The following CALN1 variants were observed in gnomAD, a reference collection of about 807,000 sequenced individuals.
CALN1 encodes calneuron 1.
CALN1 carries 17 observed loss-of-function variants against 30.6 expected under a neutral mutation model. That is an observed-to-expected ratio of 0.56 (90% CI 0.38 to 0.83). The LOEUF (loss-of-function observed/expected upper bound fraction) is 0.83, where lower values mean the gene tolerates loss of function less well. Among genes scored for constraint, CALN1 ranks in the 40% least tolerant of loss-of-function variants. CALN1 has a pLI of 0.00. For synonymous variants in CALN1, 156 were observed against 131.4 expected (o/e 1.19, Z -1.28); for missense variants, 291 against 354.9 (o/e 0.82, Z 1.45).
At chr7:72,133,486 T>C (rs1585009694) in intron 3 of CALN1, among the ~76,000 whole-genome samples, 1 of 152,218 alleles carries the variant, frequency 6.6e-6, no homozygotes, top group African/African-American at 2.4e-5. Flanking sequence ...TTAGAAAAAC[T>C]GTTGTATGAT....
At chr7:72,408,628 G>C (rs1048604989) in intron 1 of CALN1, among the ~76,000 whole-genome samples, 1 of 149,200 alleles carries the variant, frequency 6.7e-6, no homozygotes, top group Non-Finnish European at 1.5e-5. Context: ...AGGATTGCAT[G>C]GTGGTCATGA....
intron 5 of CALN1, among the ~76,000 whole-genome samples, chr7:71,922,893 T>TATAAG (rs944007776): frequency 1.4e-5 from 2 of 144,562 alleles, no homozygotes; most frequent in African/African-American, 5.1e-5. Context: ...TATATTAATA[T>TATAAG]ATATGTATAT....
intron 2 of CALN1, among the ~76,000 whole-genome samples, chr7:72,398,009 G>A (rs1169216450): frequency 6.6e-6 from 1 of 152,134 alleles, no homozygotes; most frequent in Non-Finnish European, 1.5e-5. Flanking sequence ...CACCACTGAA[G>A]TCCAGAAGAG....
chr7:72,260,546 C>G (rs754193118), intron 3 of CALN1, among the ~76,000 whole-genome samples: 1 of 152,154 alleles, frequency 6.6e-6, no homozygotes, highest in Non-Finnish European at 1.5e-5. Context: ...CAAAATCTGG[C>G]AAGAGGCTTC....
At chr7:72,202,890 T>C (rs1226168345) in intron 3 of CALN1, among the ~76,000 whole-genome samples, 1 of 152,172 alleles carries the variant, frequency 6.6e-6, no homozygotes, top group Non-Finnish European at 1.5e-5. Context: ...CATGCACACA[T>C]GTTTATTGCA....
At chr7:71,879,867 G>A (rs924120237) in intron 5 of CALN1, among the ~76,000 whole-genome samples, 1 of 152,166 alleles carries the variant, frequency 6.6e-6, no homozygotes, top group Non-Finnish European at 1.5e-5. Context: ...GGGAGATTGT[G>A]AGCTAGATTA....
At chr7:72,023,816 A>C (rs771919456) in intron 4 of CALN1, 47 bp from the exon 5 acceptor site, 73 of 1,361,124 alleles carry the variant, frequency 5.4e-5, no homozygotes, top group African/African-American at 1.4e-5. Context: ...GCTGAACTTG[A>C]CCTACCGTAC....
intron 2 of CALN1, among the ~76,000 whole-genome samples, chr7:72,352,837 T>A (rs900165929): frequency 7.2e-5 from 11 of 151,862 alleles, no homozygotes; most frequent in Admixed American, 4.6e-4. Context: ...TAAAACATCA[T>A]AAAATTAATA....
At chr7:71,963,222 G>A (rs965971646) in intron 5 of CALN1, among the ~76,000 whole-genome samples, 1 of 152,098 alleles carries the variant, frequency 6.6e-6, no homozygotes, top group African/African-American at 2.4e-5. Context: ...GAGTGCGGCG[G>A]CGCGATCTCG....
chr7:72,432,400 C>T (rs868857430), intron 1 of CALN1, among the ~76,000 whole-genome samples: 3 of 152,150 alleles, frequency 2.0e-5, no homozygotes, highest in African/African-American at 7.2e-5. Flanking sequence ...CAGACTAATA[C>T]AAGGACCCAT....
At chr7:72,480,797 T>C in the CALN1 span, among the ~76,000 whole-genome samples, 2 of 152,310 alleles carry the variant, frequency 1.3e-5, no homozygotes, top group Non-Finnish European at 2.9e-5. Flanking sequence ...TTCATTTACA[T>C]TGTCAAATTC....
At chr7:72,439,512 G>GA (rs757225222) in intron 1 of CALN1, among the ~76,000 whole-genome samples, 11 of 151,008 alleles carry the variant, frequency 7.3e-5, no homozygotes, top group Non-Finnish European at 1.3e-4. Context: ...TCATGAAGAA[G>GA]AAAAAATATA....
chr7:72,304,273 C>T (rs1025654444), intron 2 of CALN1, among the ~76,000 whole-genome samples: 18 of 152,214 alleles, frequency 1.2e-4, no homozygotes, highest in South Asian at 2.1e-4. Flanking sequence ...GGGAAAGACT[C>T]CACGTTCTTC....
chr7:72,429,182 A>G (rs750199360), intron 1 of CALN1, among the ~76,000 whole-genome samples: 26 of 152,224 alleles, frequency 1.7e-4, no homozygotes, highest in South Asian at 6.2e-4. Flanking sequence ...CTTCAAGAGG[A>G]AAGTCAATCA....
rs141637172 is a variant in CALN1, at chr7:72,291,988, C to T, written c.120-13178G>A. 1.9e-3 allele frequency among the ~76,000 whole-genome samples: 275 copies of T among 146,072 alleles called. 3 individuals carry two copies. The highest frequency in any genetic ancestry group is 6.4e-3 in the African/African-American group (254 of 39,626). On this transcript the variant is annotated intron_variant, in intron 2 of 6. Coordinates refer to ENST00000395275, the MANE Select transcript of CALN1 (RefSeq NM_031468.4). ...CCGCACTTCAGCCTGGGTGACAGAA[C>T]AATACTCCATCTCAAAAAAAAAAAA... is the stretch of plus-strand genomic sequence containing the variant.
At chr7:72,294,363 T>C (rs1181405987) in intron 2 of CALN1, among the ~76,000 whole-genome samples, 1 of 152,220 alleles carries the variant, frequency 6.6e-6, no homozygotes, top group African/African-American at 2.4e-5. Flanking sequence ...AAGGTCATTC[T>C]ATGTTTGAGG....
At chr7:72,131,738 T>G (rs1333161499) in intron 3 of CALN1, among the ~76,000 whole-genome samples, 1 of 152,174 alleles carries the variant, frequency 6.6e-6, no homozygotes, top group East Asian at 1.9e-4. Flanking sequence ...ATCCAAGACT[T>G]TGACTCTTCA....
intron 6 of CALN1, among the ~76,000 whole-genome samples, chr7:71,801,444 C>T (rs1392407071): frequency 6.6e-6 from 1 of 151,222 alleles, no homozygotes; most frequent in African/African-American, 2.4e-5. Context: ...ATCTATCTAT[C>T]TATCTATCTA....
chr7:72,275,016 G>A (rs1477269979), intron 3 of CALN1, among the ~76,000 whole-genome samples: 1 of 152,070 alleles, frequency 6.6e-6, no homozygotes. Flanking sequence ...TTCACGAAGT[G>A]CACACCTTTG....
Sources: gnomAD v4.1 joint callset for allele counts (sites outside exome capture counted in the v4.1 genomes callset) on GRCh38, gnomAD v4.1.1 for gene constraint, MANE v1.5 for transcripts, NCBI Gene and HGNC (gene_info 2026-07-23, HGNC 2026-07-21) for gene names.